MICAL3: variants seen among roughly 807,000 people sequenced by gnomAD.
MICAL3 encodes [F-actin]-monooxygenase MICAL3.
Under a neutral mutation model 207.4 loss-of-function variants are expected in MICAL3, and 62 were observed. The ratio of observed to expected loss-of-function variants is 0.30; its 90% confidence interval spans 0.24 to 0.37. The LOEUF (loss-of-function observed/expected upper bound fraction) is 0.37, where lower values mean the gene tolerates loss of function less well. MICAL3 is among the 10% of genes least tolerant of loss of function. The pLI, the probability that MICAL3 is intolerant of heterozygous loss-of-function variation, is 1.00. For missense variants in MICAL3, 2,368 were observed against 2,635.6 expected (o/e 0.90, Z 2.22); for synonymous variants, 1,077 against 1,069.3 (o/e 1.01, Z -0.14).
At chr22:17,923,326 G>T (rs923998799) in intron 1 of MICAL3, among the ~76,000 whole-genome samples, 2 of 152,194 alleles carry the variant, frequency 1.3e-5, no homozygotes, top group African/African-American at 4.8e-5. Context: ...CCAAAGACCA[G>T]TTGCCAAAAA....
At position 17,794,087 on chromosome 22, in the gene MICAL3, G is replaced by C. The variant is rs79449812; in HGVS notation, c.5651-2786C>G. Among the ~76,000 whole-genome samples, 647 of 152,268 alleles carry C rather than the reference G, an allele frequency of 4.2e-3. 8 individuals are homozygous for C. The highest frequency in any genetic ancestry group is 0.015 in the African/African-American group (616 of 41,558). ...GCTCTGGCAGCATCACAGAGGGGGC[G>C]GGGGGCCAGAGCCACAGTGTGGATT... On this transcript the variant is annotated intron_variant, in intron 29 of 31. Transcript: ENST00000441493.
intron 1 of MICAL3, among the ~76,000 whole-genome samples, chr22:17,945,890 C>T (rs1437023276): frequency 2.6e-5 from 4 of 152,090 alleles, no homozygotes; most frequent in African/African-American, 4.8e-5. Context: ...CATGTTCACT[C>T]GGTGGCGGAA....
rs1481221104 is a variant in MICAL3, at chr22:17,795,197, C to T, written c.5651-3896G>A. Among the ~76,000 whole-genome samples the T allele has an allele frequency of 3.9e-5, 6 of 152,236 alleles. No homozygotes were observed. In the South Asian group the frequency reaches 6.2e-4, roughly 16 times the overall value. ...ATGTGCTAAGCACACACGGCACAGC[C>T]GGCCGAATGCATGGGTACGAGGGAG... On this transcript the variant is annotated intron_variant, in intron 29 of 31. Coordinates refer to ENST00000441493, the MANE Select transcript of MICAL3 (RefSeq NM_015241.3).
chr22:17,949,975 C>T (rs961456936), intron 1 of MICAL3, among the ~76,000 whole-genome samples: 7 of 152,302 alleles, frequency 4.6e-5, no homozygotes, highest in African/African-American at 1.7e-4. Flanking sequence ...AAAGTGCTTC[C>T]AGAGACTCCC....
At chr22:18,023,637 G>A (rs1391292275) in intron 1 of MICAL3, among the ~76,000 whole-genome samples, 2 of 152,252 alleles carry the variant, frequency 1.3e-5, no homozygotes, top group South Asian at 2.1e-4. Flanking sequence ...CTGCTTCCAG[G>A]AGGGAATGAA....
intron 16 of MICAL3, among the ~76,000 whole-genome samples, chr22:17,877,291 AGGTTAGGGAG>A: frequency 7.6e-6 from 1 of 131,528 alleles, no homozygotes; most frequent in Non-Finnish European, 1.6e-5. Context: ...GAGGTTATGG[AGGTTAGGGAG>A]GTTATGGAGG....
intron 22 of MICAL3, among the ~76,000 whole-genome samples, chr22:17,826,865 G>A (rs1026744955): frequency 1.4e-5 from 2 of 145,166 alleles, no homozygotes; most frequent in East Asian, 1.9e-4. Context: ...GGGCCAGGGA[G>A]GAACAAACGT....
intron 26 of MICAL3, among the ~76,000 whole-genome samples, chr22:17,817,056 TG>T (rs139508852): frequency 0.01 from 1,581 of 152,268 alleles, 31 homozygotes; most frequent in African/African-American, 0.036. Context: ...TGGGCCCCTC[TG>T]GGGTCGTCTG....
Position 17,990,207 on chromosome 22 carries a change from G to A in MICAL3, c.-75+34074C>T, listed in dbSNP as rs116169830. Among the ~76,000 whole-genome samples, 1,072 of 152,268 alleles carry A rather than the reference G, an allele frequency of 7.0e-3. 9 individuals carry two copies. Among genetic ancestry groups the A allele is most frequent in the African/African-American group, 0.015 (604 of 41,550 alleles). On this transcript the variant is annotated intron_variant, in intron 1 of 31. Transcript: ENST00000441493. ...TTGATGAGAAAGGCAGTTAGAGAGCGGGAGCAAGCGGGATGAGGAGGGGAC... is the reference window on the plus strand; with the variant it reads ...TTGATGAGAAAGGCAGTTAGAGAGCAGGAGCAAGCGGGATGAGGAGGGGAC...
At chr22:17,969,906 A>G (rs1352089074) in intron 1 of MICAL3, among the ~76,000 whole-genome samples, 4 of 152,150 alleles carry the variant, frequency 2.6e-5, no homozygotes. Flanking sequence ...TACCTATGGA[A>G]TGAGTGTGAG....
chr22:17,994,679 C>A (rs536862977), intron 1 of MICAL3, among the ~76,000 whole-genome samples: 4 of 150,818 alleles, frequency 2.7e-5, no homozygotes, highest in Non-Finnish European at 5.9e-5. Flanking sequence ...GCCACTCCAG[C>A]TGGGGCCACT....
chr22:17,901,352 CTAGTGCCTCAGCAA>C (rs1277002222), intron 5 of MICAL3, among the ~76,000 whole-genome samples: 2 of 152,134 alleles, frequency 1.3e-5, no homozygotes, highest in Non-Finnish European at 2.9e-5. Flanking sequence ...GGTTGGTCTC[CTAGTGCCTCAGCAA>C]GAGTGCCCTG....
chr22:17,931,045 C>T (rs534104517), intron 1 of MICAL3, among the ~76,000 whole-genome samples: 4 of 152,302 alleles, frequency 2.6e-5, no homozygotes, highest in South Asian at 2.1e-4. Context: ...CCTGTGAGCT[C>T]GGGCCTGTCC....
At chr22:17,880,441 C>T (rs139908448) in intron 16 of MICAL3, among the ~76,000 whole-genome samples, 7 of 152,328 alleles carry the variant, frequency 4.6e-5, no homozygotes, top group East Asian at 1.9e-4. Context: ...CAACCTGCAA[C>T]GGCTCAGTTC....
chr22:17,909,694 TA>T (rs1214704767), intron 1 of MICAL3, among the ~76,000 whole-genome samples: 8 of 152,222 alleles, frequency 5.3e-5, no homozygotes, highest in Non-Finnish European at 1.0e-4. Flanking sequence ...TTACAGTTCC[TA>T]AAAAGGGCCC....
chr22:17,906,862 G>A lies in MICAL3; in HGVS notation c.-50C>T, dbSNP rs2074685959. 4.6e-6 allele frequency: 7 copies of A among 1,506,582 alleles called. No homozygotes were observed. The highest frequency in any genetic ancestry group is 6.2e-6 in the Non-Finnish European group (7 of 1,120,016). The allele number at this position is 1,506,582 out of a possible 1,614,324, so 93.3% of individuals were successfully genotyped here. A position where few individuals can be genotyped will look rare whatever the true frequency, so the allele number is the denominator to read the frequency against. On this transcript the variant is annotated 5_prime_UTR_variant, in exon 2 of 32. Transcript: ENST00000441493. Reference sequence around the variant, plus strand: ...AGAGGGGGAGGTGGGATGGCTGTGGGTCCACCTGACACTGTCACGTTAATC... The same window carrying A: ...AGAGGGGGAGGTGGGATGGCTGTGGATCCACCTGACACTGTCACGTTAATC...
At chr22:17,890,059 T>C (rs1930267996) in intron 12 of MICAL3, among the ~76,000 whole-genome samples, 1 of 152,210 alleles carries the variant, frequency 6.6e-6, no homozygotes, top group Admixed American at 6.5e-5. Context: ...AATTTTTCCA[T>C]TGCTAAGTTT....
At chr22:17,961,002 C>T (rs1295299676) in intron 1 of MICAL3, among the ~76,000 whole-genome samples, 1 of 152,086 alleles carries the variant, frequency 6.6e-6, no homozygotes, top group African/African-American at 2.4e-5. Flanking sequence ...GGAACCACTG[C>T]AGGAGTCTGA....
At position 17,871,986 on chromosome 22, in the gene MICAL3, C is replaced by T. The variant is rs1927768904; in HGVS notation, c.2279G>A (p.Gly760Asp). The T allele has an allele frequency of 6.2e-7, 1 of 1,610,308 alleles. No individual in the cohort carries two copies. Among genetic ancestry groups the T allele is most frequent in the Non-Finnish European group, 8.5e-7 (1 of 1,178,576 alleles). The stretch of plus-strand genomic sequence containing the variant: ...CTGGCAGAAGTAGCATGTGTCGCTG[C>T]CTCCCAGGTTCTGCGGGAACTCCTT... ...MKKEFPQNLG[G>D]SDTCYFCQKR... Residue 760 changes from glycine (G) to aspartate (D), a missense_variant, in exon 17 of 32, where the codon GGC (glycine) becomes GAC (aspartate). By Grantham distance (94) the Gly-to-Asp change is moderately conservative. Transcript: ENST00000441493.
Sources: allele counts gnomAD v4.1 joint callset (sites outside exome capture counted in the v4.1 genomes callset), GRCh38; gene constraint gnomAD v4.1.1; transcripts MANE v1.5; gene names NCBI Gene and HGNC (gene_info 2026-07-23, HGNC 2026-07-21).